MCC: variants seen among roughly 807,000 people sequenced by gnomAD.
MCC encodes the protein colorectal mutant cancer protein.
In MCC, 90 loss-of-function variants were observed where a neutral mutation model predicts 116.2. The ratio of observed to expected loss-of-function variants is 0.77; its 90% CI spans 0.65 to 0.92. MCC has a LOEUF of 0.92. Ranked by LOEUF, MCC falls within the 40% of genes least tolerant of loss-of-function variation. The pLI is 0.00. For missense variants in MCC, 1,516 were observed against 1,312.2 expected (o/e 1.16, Z -2.40); for synonymous variants, 578 against 510.5 (o/e 1.13, Z -1.78).
chr5:113,289,655 G>C (rs1285485712), intron 3 of MCC, among the ~76,000 whole-genome samples: 2 of 152,162 alleles, frequency 1.3e-5, no homozygotes, highest in African/African-American at 4.8e-5. Context: ...ATGTTGAAGA[G>C]AATTGAGCTG....
At chr5:113,336,104 G>C (rs1049891266) in intron 3 of MCC, among the ~76,000 whole-genome samples, 5 of 151,470 alleles carry the variant, frequency 3.3e-5, no homozygotes, top group African/African-American at 1.2e-4. Flanking sequence ...GAAAGAGAGA[G>C]AGACAGGGAG....
intron 2 of MCC, among the ~76,000 whole-genome samples, chr5:113,348,697 A>T (rs1231616636): frequency 6.6e-6 from 1 of 152,066 alleles, no homozygotes; most frequent in African/African-American, 2.4e-5. Flanking sequence ...GGAAAAAATA[A>T]TTATAAAGAT....
chr5:113,400,872 A>G (rs368157366), intron 1 of MCC, among the ~76,000 whole-genome samples: 1 of 152,182 alleles, frequency 6.6e-6, no homozygotes, highest in South Asian at 2.1e-4. Context: ...AATCCTCACT[A>G]ATTGAATATT....
At chr5:113,454,199 G>C (rs1323125983) in intron 1 of MCC, among the ~76,000 whole-genome samples, 1 of 152,080 alleles carries the variant, frequency 6.6e-6, no homozygotes, top group Non-Finnish European at 1.5e-5. Context: ...TGATCTCCTG[G>C]GCTTAAGTGA....
chr5:113,225,587 T>C (rs1168615232), intron 3 of MCC, among the ~76,000 whole-genome samples: 2 of 152,294 alleles, frequency 1.3e-5, no homozygotes, highest in African/African-American at 4.8e-5. Context: ...GAGTACTTCA[T>C]GAATATATGC....
chr5:113,214,764 C>T (rs1359709909), intron 3 of MCC, among the ~76,000 whole-genome samples: 1 of 152,222 alleles, frequency 6.6e-6, no homozygotes, highest in Non-Finnish European at 1.5e-5. Flanking sequence ...TAGCCAAGCG[C>T]ACCTTCTAAA....
intron 4 of MCC, among the ~76,000 whole-genome samples, chr5:113,145,737 T>TACAC (rs558608537): frequency 2.6e-4 from 32 of 123,528 alleles, no homozygotes; most frequent in African/African-American, 8.8e-4. Context: ...TAAACTTGCT[T>TACAC]ACACACACAC....
At chr5:113,103,129 A>T (rs1756528383) in intron 7 of MCC, among the ~76,000 whole-genome samples, 1 of 152,240 alleles carries the variant, frequency 6.6e-6, no homozygotes, top group Non-Finnish European at 1.5e-5. Flanking sequence ...AAATAATAAA[A>T]ATAATAAAAA....
At chr5:113,050,739 G>A (rs1752430539) in intron 15 of MCC, among the ~76,000 whole-genome samples, 1 of 152,234 alleles carries the variant, frequency 6.6e-6, no homozygotes, top group African/African-American at 2.4e-5. Flanking sequence ...AAGAGGGAAA[G>A]AGAAACCTAT....
intron 3 of MCC, among the ~76,000 whole-genome samples, chr5:113,183,569 T>C (rs140386144): frequency 0.017 from 2,621 of 152,142 alleles, 31 homozygotes; most frequent in Middle Eastern, 0.037. Context: ...AAGGGGACAT[T>C]CATTGGCTGC....
rs1354946394 is a variant in MCC, at chr5:113,084,336, C to T, written c.1546-146G>A. On this transcript the variant is annotated intron_variant, in intron 9 of 18. Transcript: ENST00000408903. ...GAACAGCTCACGTCCAATTTTTCTA[C>T]CACCAGCTTAAGCCAGGGCCTTTCA... 1.5e-5 allele frequency: 10 copies of T among 647,270 alleles called. No individual in the cohort carries two copies. In the African/African-American group the frequency reaches 1.6e-4, roughly 11 times the overall value. 40.1% of individuals were successfully genotyped at this position (647,270 alleles called of 1,614,324 possible).
chr5:113,254,118 C>G (rs1329981409), intron 3 of MCC, among the ~76,000 whole-genome samples: 4 of 152,148 alleles, frequency 2.6e-5, no homozygotes, highest in African/African-American at 9.7e-5. Context: ...AAAGAAAGGT[C>G]CATCAAAGGT....
chr5:113,460,788 C>T (rs1771721896), intron 1 of MCC, among the ~76,000 whole-genome samples: 1 of 152,188 alleles, frequency 6.6e-6, no homozygotes, highest in Admixed American at 6.5e-5. Context: ...GCCCATGGAC[C>T]TGCAGCATCT....
Position 113,053,797 on chromosome 5 carries a change from G to T in MCC, c.2376C>A (p.Val792=). Residue 792 remains valine, a synonymous_variant, in exon 15 of 19, where the codon GTC becomes GTA. Coordinates refer to ENST00000408903, the MANE Select transcript of MCC (RefSeq NM_001085377.2). ...GCCTCTGGCTGTCTCCCCGAGGCTT[G>T]ACGTCATAGCTGAGAGGATCGATGT... ...SIHIDPLSYD[V]KPRGDSQRLD... is the part of the protein sequence containing the mutation. The T allele has an allele frequency of 6.2e-7, 1 of 1,614,130 alleles. No homozygotes were observed. Among genetic ancestry groups the T allele is most frequent in the Non-Finnish European group, 8.5e-7 (1 of 1,179,996 alleles).
At chr5:113,078,955 GAA>G (rs2150240075) in intron 11 of MCC, among the ~76,000 whole-genome samples, 1 of 152,338 alleles carries the variant, frequency 6.6e-6, no homozygotes, top group African/African-American at 2.4e-5. Flanking sequence ...AGCAACTTCA[GAA>G]AAGTCTCAGG....
intron 3 of MCC, among the ~76,000 whole-genome samples, chr5:113,183,630 C>T (rs1451575662): frequency 6.6e-6 from 1 of 152,148 alleles, no homozygotes; most frequent in Non-Finnish European, 1.5e-5. Flanking sequence ...CTGTATCTAG[C>T]ACACAGCAGG....
intron 1 of MCC, among the ~76,000 whole-genome samples, chr5:113,402,020 C>T (rs191535584): frequency 1.3e-4 from 20 of 151,752 alleles, no homozygotes; most frequent in East Asian, 3.9e-4. Flanking sequence ...CAGGGCCGGG[C>T]GCGGTGGCTC....
chr5:113,157,703 G>T (rs1760250150), intron 3 of MCC, among the ~76,000 whole-genome samples: 1 of 152,194 alleles, frequency 6.6e-6, no homozygotes, highest in African/African-American at 2.4e-5. Context: ...GTAATGACAG[G>T]AGTTACAGTG....
chr5:113,418,906 C>T lies in MCC; in HGVS notation c.171-33694G>A, dbSNP rs541684926. On this transcript the variant is annotated intron_variant, in intron 1 of 18. Transcript: ENST00000408903. ...AGCACCGCATCACAGAGCTCCTCTT[C>T]GTGTCTCTCCCAGAACATCACAAAA... Among the ~76,000 whole-genome samples, 5 of 152,296 alleles carry T rather than the reference C, an allele frequency of 3.3e-5. No individual in the cohort carries two copies. In the East Asian group the frequency reaches 5.8e-4, roughly 18 times the overall value.
Sources: allele counts gnomAD v4.1 joint callset (sites outside exome capture counted in the v4.1 genomes callset), GRCh38; gene constraint gnomAD v4.1.1; transcripts MANE v1.5; gene names NCBI Gene and HGNC (gene_info 2026-07-23, HGNC 2026-07-21).